Variants in FRS2 observed in about 807,000 individuals in gnomAD.
The protein encoded by FRS2 is FGFR signalling adaptor.
In FRS2, 8 loss-of-function variants were observed where a neutral mutation model predicts 43.9. That is an observed-to-expected ratio of 0.18 (90% CI 0.11 to 0.33). FRS2 has a LOEUF of 0.33. Among genes scored for constraint, FRS2 ranks in the 10% least tolerant of loss-of-function variants. The pLI, the probability that FRS2 is intolerant of heterozygous loss-of-function variation, is 1.00. For synonymous variants in FRS2, 219 were observed against 220.3 expected (o/e 0.99, Z 0.05); for missense variants, 534 against 627.6 (o/e 0.85, Z 1.59).
At chr12:69,505,927 T>A (rs913603567) in intron 1 of FRS2, among the ~76,000 whole-genome samples, 5 of 152,216 alleles carry the variant, frequency 3.3e-5, no homozygotes, top group African/African-American at 4.8e-5. Flanking sequence ...TTTGGTTGAT[T>A]GCAATCCACC....
intron 1 of FRS2, among the ~76,000 whole-genome samples, chr12:69,472,325 T>C (rs1870385220): frequency 6.6e-6 from 1 of 150,470 alleles, no homozygotes. Context: ...ACTCCTGGGC[T>C]CAAGTGATCC....
intron 3 of FRS2, among the ~76,000 whole-genome samples, chr12:69,551,591 T>G (rs1323889812): frequency 6.6e-6 from 1 of 152,148 alleles, no homozygotes; most frequent in East Asian, 1.9e-4. Context: ...AACTGAACAT[T>G]CTAAATTTGG....
rs1163765140 is a variant in FRS2 at position 69,570,416 on chromosome 12, A to T, written c.152A>T (p.Lys51Ile). 6.2e-7 allele frequency: 1 copy of T among 1,612,874 alleles called. No individual in the cohort carries two copies. The highest frequency in any genetic ancestry group is 1.7e-5 in the Admixed American group (1 of 60,022). The stretch of plus-strand genomic sequence containing the variant: ...ACAGAACTGATTTTATACACCCGCA[A>T]ACGTGACTCAGTAAAATGGCACTAC... ...TDTELILYTR[K>I]RDSVKWHYLC... is the part of the protein sequence containing the mutation. The change falls in exon 6 of 9, where the codon AAA becomes ATA. Residue 51 changes from lysine (K) to isoleucine (I), a missense_variant. This residue lies in a region of FRS2 where 76 missense variants were observed against 90.5 expected (regional missense o/e 0.84). Transcript: ENST00000549921.
rs752225158 is a variant in FRS2, at chr12:69,574,838, G to C, written c.1410G>C (p.Leu470=). The change falls in exon 9 of 9, where the codon CTG becomes CTC. Residue 470 remains leucine, a synonymous_variant. Coordinates refer to ENST00000549921, the MANE Select transcript of FRS2 (RefSeq NM_001278356.2). The part of the protein sequence containing the change: ...LPQTPTRRTE[L]YAVIDIERTA... Reference sequence around the variant, plus strand: ...AAACCCCTACCAGGCGCACAGAGCTGTATGCCGTGATAGACATCGAGAGAA... The same window carrying C: ...AAACCCCTACCAGGCGCACAGAGCTCTATGCCGTGATAGACATCGAGAGAA... 5.0e-6 allele frequency: 8 copies of C among 1,613,908 alleles called. No homozygotes were observed. In the South Asian group the frequency reaches 8.8e-5, roughly 18 times the overall value.
At chr12:69,569,145 C>T (rs781715320) in intron 5 of FRS2, 49 bp downstream of exon 5, 1 of 1,075,108 alleles carries the variant, frequency 9.3e-7, no homozygotes, top group South Asian at 1.4e-5. Flanking sequence ...GTTGGGTGTT[C>T]TTCTTTTATT....
At position 69,577,943 on chromosome 12, in the gene FRS2, G is replaced by C. The variant is rs192648281; in HGVS notation, c.*2988G>C. On this transcript the variant is annotated 3_prime_UTR_variant, in exon 9 of 9. Coordinates refer to ENST00000549921, the MANE Select transcript of FRS2 (RefSeq NM_001278356.2). The stretch of plus-strand genomic sequence containing the variant: ...GATACTAATGTTGACCCTCTCCAGC[G>C]TTCAATGTTATAAATAGAACAAGTC... 2.0e-3 allele frequency: 309 copies of C among 152,548 alleles called. 2 individuals are homozygous for C. Among genetic ancestry groups the C allele is most frequent in the Non-Finnish European group, 2.5e-3 (168 of 67,964 alleles). The allele number at this position is 152,548 out of a possible 1,614,324, so 9.4% of individuals were successfully genotyped here. A position where few individuals can be genotyped will look rare whatever the true frequency, so the allele number is the denominator to read the frequency against.
chr12:69,565,636 C>CA (rs1880230111), intron 4 of FRS2, among the ~76,000 whole-genome samples: 1 of 151,876 alleles, frequency 6.6e-6, no homozygotes, highest in South Asian at 2.1e-4. Flanking sequence ...AAGACAAAGA[C>CA]ACAAACACAC....
chr12:69,510,516 G>C (rs1874358403), intron 1 of FRS2, among the ~76,000 whole-genome samples: 1 of 152,082 alleles, frequency 6.6e-6, no homozygotes, highest in Admixed American at 6.6e-5. Flanking sequence ...CATCCAAATT[G>C]ATTGAACACC....
At position 69,527,343 on chromosome 12, in the gene FRS2, ATTTTTTT is replaced by A. The variant is rs1166365306; in HGVS notation, c.-260-3507_-260-3501del. Reference sequence around the variant, plus strand: ...GAGCAAAGTTTTTTTTTTTTTAATGATTTTTTTTTTTTTTTTTTTTTAAAGAGACAAG... The same window carrying A: ...GAGCAAAGTTTTTTTTTTTTTAATGATTTTTTTTTTTTTTAAAGAGACAAG... On this transcript the variant is annotated intron_variant, in intron 1 of 8. Transcript: ENST00000549921. Among the ~76,000 whole-genome samples, 13 of 84,236 alleles carry A rather than the reference ATTTTTTT, an allele frequency of 1.5e-4. 1 individual carries two copies. In the East Asian group the frequency reaches 5.7e-3, roughly 37 times the overall value. The allele number at this position is 84,236 out of a possible 152,430, so 55.3% of individuals were successfully genotyped here.
At chr12:69,499,742 A>G (rs1192304897) in intron 1 of FRS2, among the ~76,000 whole-genome samples, 1 of 144,656 alleles carries the variant, frequency 6.9e-6, no homozygotes, top group Non-Finnish European at 1.5e-5. Context: ...AGATTGTGTG[A>G]ATGGTTATAT....
intron 1 of FRS2, 115 bp downstream of exon 1, chr12:69,470,645 G>T (rs931320029): frequency 1.0e-5 from 4 of 393,878 alleles, no homozygotes; most frequent in Non-Finnish European, 1.8e-5. Flanking sequence ...GCCGGCGTCC[G>T]GGGAAGGGGA....
chr12:69,536,561 TTA>T (rs1877332537), intron 3 of FRS2, among the ~76,000 whole-genome samples: 1 of 145,914 alleles, frequency 6.9e-6, no homozygotes, highest in Non-Finnish European at 1.5e-5. Context: ...ACCGATAGAT[TTA>T]GTTTTTTTTT....
intron 3 of FRS2, among the ~76,000 whole-genome samples, chr12:69,551,046 AAAAAAAG>A (rs1878825514): frequency 6.6e-6 from 1 of 152,148 alleles, no homozygotes; most frequent in African/African-American, 2.4e-5. Flanking sequence ...TGTGTCTTTA[AAAAAAAG>A]AAAAAAGAAA....
chr12:69,516,220 TA>T (rs1875001555), intron 1 of FRS2, among the ~76,000 whole-genome samples: 1 of 144,736 alleles, frequency 6.9e-6, no homozygotes, highest in Non-Finnish European at 1.5e-5. Flanking sequence ...TTATTATTAC[TA>T]TTTTTTTTTT....
chr12:69,545,819 C>CA (rs1329629600), intron 3 of FRS2, among the ~76,000 whole-genome samples: 2 of 147,920 alleles, frequency 1.4e-5, no homozygotes, highest in Non-Finnish European at 3.0e-5. Context: ...CATATATGGT[C>CA]AAATAATTTT....
At chr12:69,519,924 C>T (rs1005569899) in intron 1 of FRS2, among the ~76,000 whole-genome samples, 5 of 152,148 alleles carry the variant, frequency 3.3e-5, no homozygotes, top group African/African-American at 1.2e-4. Flanking sequence ...GGTGTATACC[C>T]GGTAATGGGA....
In FRS2 at chr12:69,575,605, C is replaced by T. The variant is rs554682203; in HGVS notation, c.*650C>T. ...AAGGAGACAAGATTTTCTATTTACT[C>T]ATCTCATGATGTCATTTGAAGGGCA... is the stretch of plus-strand genomic sequence containing the variant. On this transcript the variant is annotated 3_prime_UTR_variant, in exon 9 of 9. Coordinates refer to ENST00000549921, the MANE Select transcript of FRS2 (RefSeq NM_001278356.2). 1 of 152,744 alleles carries T rather than the reference C, an allele frequency of 6.5e-6. No individual in the cohort carries two copies. The highest frequency in any genetic ancestry group is 1.5e-5 in the Non-Finnish European group (1 of 68,056). 9.5% of individuals were successfully genotyped at this position (152,744 alleles called of 1,614,324 possible).
intron 1 of FRS2, among the ~76,000 whole-genome samples, chr12:69,520,309 T>G: frequency 6.6e-6 from 1 of 152,132 alleles, no homozygotes; most frequent in East Asian, 1.9e-4. Flanking sequence ...TATTACAGCT[T>G]TGTCAGATGC....
At chr12:69,477,613 AAG>A (rs928141742) in intron 1 of FRS2, among the ~76,000 whole-genome samples, 2 of 150,978 alleles carry the variant, frequency 1.3e-5, no homozygotes, top group African/African-American at 4.9e-5. Context: ...TGATGCTCCT[AAG>A]AGAGAGTGCA....
Sources: gnomAD v4.1 joint callset for allele counts (sites outside exome capture counted in the v4.1 genomes callset) on GRCh38, gnomAD v4.1.1 for gene constraint, gnomAD v4.1.1 regional missense constraint, MANE v1.5 for transcripts, NCBI Gene and HGNC (gene_info 2026-07-23, HGNC 2026-07-21) for gene names.